Variants in SLC25A21 observed in about 807,000 individuals in gnomAD.
SLC25A21 encodes the protein mitochondrial 2-oxodicarboxylate carrier.
In SLC25A21, 47 loss-of-function variants were observed where a neutral mutation model predicts 43.8. The ratio of observed to expected loss-of-function variants is 1.07; its 90% CI spans 0.85 to 1.37. The LOEUF is 1.37. Ranked by LOEUF, SLC25A21 falls within the 40% of genes most tolerant of loss-of-function variation. The probability of loss-of-function intolerance (pLI) is 0.00; values close to 1 mark genes in which losing one functional copy is unlikely to be tolerated. For synonymous variants in SLC25A21, 131 were observed against 121.3 expected (o/e 1.08, Z -0.52); for missense variants, 352 against 350.2 (o/e 1.00, Z -0.04).
intron 1 of SLC25A21, among the ~76,000 whole-genome samples, chr14:36,934,006 G>C (rs1194087179): frequency 6.6e-6 from 1 of 152,080 alleles, no homozygotes; most frequent in African/African-American, 2.4e-5. Context: ...TCTAGGAATG[G>C]TTTTGACTAC....
intron 7 of SLC25A21, among the ~76,000 whole-genome samples, chr14:36,706,515 C>T (rs75542469): frequency 0.015 from 2,268 of 152,240 alleles, 75 homozygotes; most frequent in African/African-American, 0.052. Flanking sequence ...ATCCAACCCA[C>T]GGACTTAACG....
At chr14:37,171,052 A>C (rs11156938) in intron 1 of SLC25A21, among the ~76,000 whole-genome samples, 138,399 of 147,676 alleles carry the variant, frequency 0.94, 65,542 homozygotes, top group East Asian at 1. Flanking sequence ...CGCCATGGCA[A>C]TCCAGCTCCG....
chr14:37,126,337 C>T (rs1052774257), intron 1 of SLC25A21, among the ~76,000 whole-genome samples: 8 of 151,986 alleles, frequency 5.3e-5, no homozygotes, highest in Non-Finnish European at 1.0e-4. Context: ...TGGTACTTGG[C>T]CAATATCAAT....
chr14:36,857,796 C>T (rs1004039566), intron 2 of SLC25A21, among the ~76,000 whole-genome samples: 4 of 152,176 alleles, frequency 2.6e-5, no homozygotes, highest in East Asian at 1.9e-4. Flanking sequence ...GGGCTGAGGC[C>T]GCAGGCCTGA....
intron 1 of SLC25A21, among the ~76,000 whole-genome samples, chr14:37,088,890 C>A (rs916335042): frequency 2.0e-5 from 3 of 152,180 alleles, no homozygotes; most frequent in Admixed American, 6.5e-5. Flanking sequence ...TCTCTCTTTT[C>A]AACTTAGGAA....
chr14:37,020,445 A>G (rs10143734), intron 1 of SLC25A21, among the ~76,000 whole-genome samples: 29,343 of 150,750 alleles, frequency 0.19, 4,320 homozygotes, highest in African/African-American at 0.42. Context: ...TGAAAAAGTC[A>G]CTTTTTTTTT....
chr14:36,927,844 T>C (rs1892172384), intron 1 of SLC25A21, among the ~76,000 whole-genome samples: 1 of 152,150 alleles, frequency 6.6e-6, no homozygotes, highest in Non-Finnish European at 1.5e-5. Context: ...GGATTCTGGA[T>C]TCTGAAATAA....
intron 1 of SLC25A21, among the ~76,000 whole-genome samples, chr14:37,137,537 T>C (rs561714124): frequency 6.6e-6 from 1 of 152,320 alleles, no homozygotes; most frequent in South Asian, 2.1e-4. Context: ...ATGTATAAGA[T>C]TGTATTAAGA....
intron 1 of SLC25A21, among the ~76,000 whole-genome samples, chr14:37,122,775 T>G (rs1017232168): frequency 1.3e-5 from 2 of 152,212 alleles, no homozygotes; most frequent in African/African-American, 4.8e-5. Context: ...TCACTAACAG[T>G]GGTCCAAATG....
At chr14:36,929,192 C>G (rs1892217481) in intron 1 of SLC25A21, among the ~76,000 whole-genome samples, 1 of 151,874 alleles carries the variant, frequency 6.6e-6, no homozygotes, top group Admixed American at 6.6e-5. Flanking sequence ...TACTGAGGTC[C>G]CCAGAAAAGG....
intron 1 of SLC25A21, among the ~76,000 whole-genome samples, chr14:36,986,054 T>C (rs1241666222): frequency 2.0e-5 from 3 of 152,166 alleles, no homozygotes; most frequent in Non-Finnish European, 4.4e-5. Context: ...CAAGGAGGTC[T>C]AGCTCCTTTT....
intron 3 of SLC25A21, among the ~76,000 whole-genome samples, chr14:36,763,226 C>G (rs983637802): frequency 5.9e-5 from 9 of 152,166 alleles, no homozygotes; most frequent in African/African-American, 2.2e-4. Flanking sequence ...ATCACAGAGG[C>G]CCAGATCTGA....
At chr14:37,011,202 T>C (rs910235059) in intron 1 of SLC25A21, among the ~76,000 whole-genome samples, 2 of 152,168 alleles carry the variant, frequency 1.3e-5, no homozygotes, top group African/African-American at 4.8e-5. Context: ...TTTTAAATTT[T>C]TGTAAAGATG....
chr14:37,047,689 C>T (rs1338898794), intron 1 of SLC25A21, among the ~76,000 whole-genome samples: 1 of 152,164 alleles, frequency 6.6e-6, no homozygotes, highest in Admixed American at 6.5e-5. Flanking sequence ...TGATTAAAAA[C>T]CAAAATGAGT....
At chr14:36,775,649 T>C (rs1768877670) in intron 3 of SLC25A21, among the ~76,000 whole-genome samples, 1 of 152,138 alleles carries the variant, frequency 6.6e-6, no homozygotes, top group Non-Finnish European at 1.5e-5. Flanking sequence ...CTTTTATAGT[T>C]CATAACCGAG....
chr14:36,896,828 G>T (rs553433122), intron 1 of SLC25A21, among the ~76,000 whole-genome samples: 17 of 152,236 alleles, frequency 1.1e-4, no homozygotes, highest in Admixed American at 1.1e-3. Flanking sequence ...GAAACTCTGG[G>T]TTGAAAATTC....
intron 1 of SLC25A21, among the ~76,000 whole-genome samples, chr14:37,152,851 T>C (rs1352435697): frequency 3.3e-5 from 5 of 152,182 alleles, no homozygotes; most frequent in African/African-American, 1.2e-4. Flanking sequence ...AGGTTCAAGA[T>C]GGTTGAGTAG....
At chr14:36,973,204 G>T (rs1318206094) in intron 1 of SLC25A21, among the ~76,000 whole-genome samples, 1 of 152,024 alleles carries the variant, frequency 6.6e-6, no homozygotes, top group Admixed American at 6.6e-5. Context: ...GAAAAATCTG[G>T]CAGTGTATGT....
chr14:37,023,817 C>A (rs1961037170), intron 1 of SLC25A21, among the ~76,000 whole-genome samples: 1 of 151,988 alleles, frequency 6.6e-6, no homozygotes, highest in Non-Finnish European at 1.5e-5. Context: ...CTCTCCTGCA[C>A]CGAGAATGGA....
Sources: allele counts gnomAD v4.1 joint callset (sites outside exome capture counted in the v4.1 genomes callset), GRCh38; gene constraint gnomAD v4.1.1; transcripts MANE v1.5; gene names NCBI Gene and HGNC (gene_info 2026-07-23, HGNC 2026-07-21).